Variants in ELK3 observed in about 807,000 individuals in gnomAD.
ELK3 encodes ETS transcription factor ELK3.
In ELK3, 10 loss-of-function variants were observed where a neutral mutation model predicts 28.9. The ratio of observed to expected loss-of-function variants is 0.35; its 90% CI spans 0.21 to 0.59. The LOEUF (loss-of-function observed/expected upper bound fraction) is 0.59. ELK3 is among the 20% of genes least tolerant of loss of function. ELK3 has a pLI of 0.82. For synonymous variants in ELK3, 272 were observed against 243.5 expected, an observed-to-expected ratio of 1.12 and a Z score of -1.09; for missense variants, 463 against 517.3, an observed-to-expected ratio of 0.90 and a Z score of 1.02.
In ELK3 at chr12:96,268,586, C is replaced by G. The variant is rs893945913; in HGVS notation, c.*1406C>G. The G allele has an allele frequency of 9.9e-5, 15 of 152,104 alleles. No homozygotes were observed. Among genetic ancestry groups the G allele is most frequent in the Non-Finnish European group, 2.1e-4 (14 of 68,014 alleles). The allele number at this position is 152,104 out of a possible 1,614,324, so 9.4% of individuals were successfully genotyped here. ...TACAAGAAAACTGAAAAGCACCAAG[C>G]TTTAAATTCAAGATTAATTACAATC... On this transcript the variant is annotated 3_prime_UTR_variant, in exon 5 of 5. Transcript: ENST00000228741.
intron 1 of ELK3, among the ~76,000 whole-genome samples, chr12:96,208,570 T>G (rs554773883): frequency 8.5e-5 from 13 of 152,134 alleles, no homozygotes; most frequent in Non-Finnish European, 1.6e-4. Context: ...CCAAGAAAAT[T>G]ATAGCCTGAT....
chr12:96,215,882 C>T (rs1438070022), intron 1 of ELK3, among the ~76,000 whole-genome samples: 1 of 152,166 alleles, frequency 6.6e-6, no homozygotes, highest in African/African-American at 2.4e-5. Context: ...GATCCACCCA[C>T]CTCGGCCTCC....
At chr12:96,210,580 CACACACACACA>C (rs1951570971) in intron 1 of ELK3, among the ~76,000 whole-genome samples, 1 of 151,270 alleles carries the variant, frequency 6.6e-6, no homozygotes, top group African/African-American at 2.4e-5. Context: ...CACACACACA[CACACACACACA>C]CACACACCCC....
rs1388498033 is a variant in ELK3, at chr12:96,206,815, A to G, written c.-3+12110A>G. Among the ~76,000 whole-genome samples, 6 of 152,288 alleles carry G rather than the reference A, an allele frequency of 3.9e-5. No individual in the cohort carries two copies. In the East Asian group the frequency reaches 1.2e-3, roughly 29 times the overall value. ...GGGGTACAGATTGATGTTTGATGTT[A>G]ATGCCACCAACAGCCAGTCTCTTCC... On this transcript the variant is annotated intron_variant, in intron 1 of 4. Coordinates refer to ENST00000228741, the MANE Select transcript of ELK3 (RefSeq NM_005230.4).
intron 2 of ELK3, among the ~76,000 whole-genome samples, chr12:96,243,743 T>A (rs941609226): frequency 6.6e-6 from 1 of 151,726 alleles, no homozygotes; most frequent in Non-Finnish European, 1.5e-5. Context: ...ACTCAGAGGC[T>A]GAGGCAGGAG....
At chr12:96,266,199 A>G (rs991480988) in intron 4 of ELK3, among the ~76,000 whole-genome samples, 5 of 151,736 alleles carry the variant, frequency 3.3e-5, no homozygotes, top group East Asian at 1.9e-4. Flanking sequence ...TTACTTAAAT[A>G]TAAGTATTTG....
chr12:96,264,619 C>CA lies in ELK3; in HGVS notation c.1126-2455dup, dbSNP rs201748183. Among the ~76,000 whole-genome samples the CA allele has an allele frequency of 8.5e-4, 129 of 151,522 alleles. 1 individual carries two copies. In the East Asian group the frequency reaches 0.02, roughly 23 times the overall value. On this transcript the variant is annotated intron_variant, in intron 4 of 4. Coordinates refer to ENST00000228741, the MANE Select transcript of ELK3 (RefSeq NM_005230.4). Reference sequence around the variant, plus strand: ...GCAACATAGCAAGACCCTGTCTCTCCAAAAAAAATACAAAAATTGGCCACG... The same window carrying CA: ...GCAACATAGCAAGACCCTGTCTCTCCAAAAAAAAATACAAAAATTGGCCACG...
chr12:96,216,216 C>G lies in ELK3; in HGVS notation c.-2-7349C>G, dbSNP rs550859581. Reference sequence around the variant, plus strand: ...TTCTTCGCTATCTGACCCAACAGCTCTCATGTACTTGACTCTCCTTCCTGC... The same window carrying G: ...TTCTTCGCTATCTGACCCAACAGCTGTCATGTACTTGACTCTCCTTCCTGC... On this transcript the variant is annotated intron_variant, in intron 1 of 4. Transcript: ENST00000228741. Among the ~76,000 whole-genome samples, 460 of 152,274 alleles carry G rather than the reference C, an allele frequency of 3.0e-3. 5 individuals are homozygous for G. Among genetic ancestry groups the G allele is most frequent in the African/African-American group, 0.01 (435 of 41,544 alleles).
chr12:96,253,371 C>T (rs951372422), intron 3 of ELK3, among the ~76,000 whole-genome samples: 2 of 152,228 alleles, frequency 1.3e-5, no homozygotes, highest in African/African-American at 4.8e-5. Flanking sequence ...ACTCTGCCTC[C>T]TTGTCCCTGG....
intron 4 of ELK3, 105 bp from the exon 5 acceptor site, chr12:96,266,977 T>TG: frequency 1.3e-6 from 1 of 783,428 alleles, no homozygotes; most frequent in Non-Finnish European, 1.9e-6. Flanking sequence ...ATCACAGGGG[T>TG]GATGAGAGAA....
At chr12:96,237,211 G>T (rs1951791083) in intron 2 of ELK3, among the ~76,000 whole-genome samples, 1 of 152,218 alleles carries the variant, frequency 6.6e-6, no homozygotes, top group East Asian at 1.9e-4. Flanking sequence ...TGCAGCGGTG[G>T]GTGGGGGAAG....
At chr12:96,265,021 A>C in intron 4 of ELK3, among the ~76,000 whole-genome samples, 1 of 152,116 alleles carries the variant, frequency 6.6e-6, no homozygotes, top group African/African-American at 2.4e-5. Context: ...CACCATTCTC[A>C]CTGACTTGGA....
In ELK3 at chr12:96,210,559, G is replaced by GCA. The variant is rs199706864; in HGVS notation, c.-2-13005_-2-13004insAC. On this transcript the variant is annotated intron_variant, in intron 1 of 4. Coordinates refer to ENST00000228741, the MANE Select transcript of ELK3 (RefSeq NM_005230.4). ...TCCTGTTCCACCGCCCTGCGCGCGG[G>GCA]CGCACGCACACACACACACACACAC... 8.5e-3 allele frequency among the ~76,000 whole-genome samples: 1,216 copies of GCA among 143,134 alleles called. 15 individuals are homozygous for GCA. Among genetic ancestry groups the GCA allele is most frequent in the African/African-American group, 0.027 (1,063 of 38,928 alleles). The allele number at this position is 143,134 out of a possible 152,430, so 93.9% of individuals were successfully genotyped here. A position where few individuals can be genotyped will look rare whatever the true frequency, so the allele number is the denominator to read the frequency against.
rs1202207899 is a variant in ELK3, at chr12:96,268,680, A to C, written c.*1500A>C. The C allele has an allele frequency of 6.6e-6, 1 of 152,232 alleles. No individual in the cohort carries two copies. Among genetic ancestry groups the C allele is most frequent in the Non-Finnish European group, 1.5e-5 (1 of 68,042 alleles). The allele number at this position is 152,232 out of a possible 1,614,324, so 9.4% of individuals were successfully genotyped here. Reference sequence around the variant, plus strand: ...AATAACTGATCCAAACTGGGCATTAAGTGGCAGGATTATGAGAAAGGATAA... The same window carrying C: ...AATAACTGATCCAAACTGGGCATTACGTGGCAGGATTATGAGAAAGGATAA... On this transcript the variant is annotated 3_prime_UTR_variant, in exon 5 of 5. Coordinates refer to ENST00000228741, the MANE Select transcript of ELK3 (RefSeq NM_005230.4).
rs1298042038 is a variant in ELK3 at position 96,210,720 on chromosome 12, G to A, written c.-2-12845G>A. ...TGAACCTTGAACCTATTTAAACCACGATACAGATCTTTGAAAGGAGGGCAC... is the reference window on the plus strand; with the variant it reads ...TGAACCTTGAACCTATTTAAACCACAATACAGATCTTTGAAAGGAGGGCAC... On this transcript the variant is annotated intron_variant, in intron 1 of 4. Coordinates refer to ENST00000228741, the MANE Select transcript of ELK3 (RefSeq NM_005230.4). 2.6e-5 allele frequency among the ~76,000 whole-genome samples: 4 copies of A among 152,176 alleles called. No individual in the cohort carries two copies. The South Asian group carries it at 8.3e-4, about 32-fold the overall frequency.
chr12:96,259,759 G>A lies in ELK3; in HGVS notation c.1031G>A (p.Ser344Asn). 2 of 1,610,662 alleles carry A rather than the reference G, an allele frequency of 1.2e-6. No individual in the cohort carries two copies. The highest frequency in any genetic ancestry group is 1.7e-6 in the Non-Finnish European group (2 of 1,178,734). Residue 344 changes from serine to asparagine, a missense_variant, in exon 4 of 5, where the codon AGT (serine) becomes AAT (asparagine). By Grantham distance (46) the Ser-to-Asn change is conservative. Around this residue, in one of 2 missense-constraint regions of ELK3, gnomAD observed 408 missense variants for 414.8 expected, o/e 0.98. Transcript: ENST00000228741. ...CCAAATGGATTGCTTCTGACTCCGA[G>A]TCCACTGCTCTCCAGCATACATTTC... ...QTPNGLLLTP[S>N]PLLSSIHFWS...
intron 2 of ELK3, among the ~76,000 whole-genome samples, chr12:96,232,897 A>T (rs916729399): frequency 6.6e-6 from 1 of 152,306 alleles, no homozygotes; most frequent in African/African-American, 2.4e-5. Flanking sequence ...GAGCCCAGGA[A>T]GTAGAGGCTG....
At chr12:96,238,609 T>C (rs745775612) in intron 2 of ELK3, among the ~76,000 whole-genome samples, 1 of 152,202 alleles carries the variant, frequency 6.6e-6, no homozygotes, top group Admixed American at 6.5e-5. Flanking sequence ...ATGCCACTTA[T>C]AGTTTGGCTG....
chr12:96,240,134 A>G (rs1447591762), intron 2 of ELK3, among the ~76,000 whole-genome samples: 1 of 152,228 alleles, frequency 6.6e-6, no homozygotes, highest in Non-Finnish European at 1.5e-5. Context: ...TAACTAAATA[A>G]AAACATCATG....
Sources: allele counts gnomAD v4.1 joint callset (sites outside exome capture counted in the v4.1 genomes callset), GRCh38; gene constraint gnomAD v4.1.1; regional missense constraint gnomAD v4.1.1; transcripts MANE v1.5; gene names NCBI Gene and HGNC (gene_info 2026-07-23, HGNC 2026-07-21).